CYP7B1: variants seen among roughly 807,000 people sequenced by gnomAD.
CYP7B1 encodes cytochrome P450 7B1.
CYP7B1 carries 29 observed loss-of-function variants against 42.7 expected under a neutral mutation model. The ratio of observed to expected loss-of-function variants is 0.68; its 90% CI spans 0.51 to 0.93. CYP7B1 has a LOEUF of 0.93. CYP7B1 is among the 40% of genes least tolerant of loss of function. The pLI is 0.00. For synonymous variants in CYP7B1, 235 were observed against 218.2 expected (o/e 1.08, Z -0.68); for missense variants, 655 against 600.5 (o/e 1.09, Z -0.95).
intron 1 of CYP7B1, among the ~76,000 whole-genome samples, chr8:64,652,367 T>C (rs1806052456): frequency 6.6e-6 from 1 of 152,144 alleles, no homozygotes. Context: ...AACAACAGAA[T>C]ATACATTCTT....
At chr8:64,691,486 G>T (rs907807076) in intron 1 of CYP7B1, among the ~76,000 whole-genome samples, 2 of 149,584 alleles carry the variant, frequency 1.3e-5, no homozygotes, top group Non-Finnish European at 3.0e-5. Flanking sequence ...GGCAACTGGG[G>T]GGGGGGGGTG....
intron 5 of CYP7B1, among the ~76,000 whole-genome samples, chr8:64,604,366 T>C (rs1315237328): frequency 6.6e-6 from 1 of 152,216 alleles, no homozygotes; most frequent in African/African-American, 2.4e-5. Context: ...TGGTTTTCAA[T>C]AATTCTCCAC....
intron 1 of CYP7B1, among the ~76,000 whole-genome samples, chr8:64,746,275 C>A (rs2129633389): frequency 6.6e-6 from 1 of 152,194 alleles, no homozygotes; most frequent in South Asian, 2.1e-4. Context: ...CATTGATCTC[C>A]CAAGCTTCTG....
chr8:64,702,041 C>A (rs141749713), intron 1 of CYP7B1, among the ~76,000 whole-genome samples: 1 of 152,006 alleles, frequency 6.6e-6, no homozygotes, highest in African/African-American at 2.4e-5. Flanking sequence ...CATTTTGGAA[C>A]ACGACCGGTG....
chr8:64,664,350 T>A (rs1248906617), intron 1 of CYP7B1, among the ~76,000 whole-genome samples: 1 of 152,222 alleles, frequency 6.6e-6, no homozygotes, highest in African/African-American at 2.4e-5. Context: ...TCAATTTTAA[T>A]AATAATAGCT....
chr8:64,769,593 C>T (rs1804183828), intron 1 of CYP7B1, among the ~76,000 whole-genome samples: 1 of 152,108 alleles, frequency 6.6e-6, no homozygotes, highest in Admixed American at 6.5e-5. Context: ...TGTGACCTTC[C>T]ACAAAAAGAA....
chr8:64,600,122 A>T (rs1805179520), intron 5 of CYP7B1, among the ~76,000 whole-genome samples: 1 of 152,254 alleles, frequency 6.6e-6, no homozygotes. Flanking sequence ...ATGAGTAAAT[A>T]AATATGTAGA....
intron 1 of CYP7B1, among the ~76,000 whole-genome samples, chr8:64,765,555 C>T (rs560759477): frequency 6.6e-5 from 10 of 152,268 alleles, no homozygotes; most frequent in South Asian, 2.1e-4. Context: ...TCCAGCAGCC[C>T]GGACCCCTTT....
At chr8:64,699,876 T>G (rs1324451167) in intron 1 of CYP7B1, among the ~76,000 whole-genome samples, 2 of 152,096 alleles carry the variant, frequency 1.3e-5, no homozygotes, top group East Asian at 3.9e-4. Context: ...CATAATCACA[T>G]TCAAGGAGTC....
intron 1 of CYP7B1, among the ~76,000 whole-genome samples, chr8:64,658,463 C>G (rs1317293860): frequency 6.6e-6 from 1 of 152,114 alleles, no homozygotes; most frequent in Non-Finnish European, 1.5e-5. Flanking sequence ...TGTCTTATAA[C>G]TTATAAATTT....
At chr8:64,618,111 C>A (rs1203119293) in intron 2 of CYP7B1, among the ~76,000 whole-genome samples, 1 of 149,986 alleles carries the variant, frequency 6.7e-6, no homozygotes, top group Non-Finnish European at 1.5e-5. Context: ...AGGATTCAAC[C>A]CAATTTAGGC....
chr8:64,772,905 T>C (rs1804260572), intron 1 of CYP7B1, among the ~76,000 whole-genome samples: 1 of 152,180 alleles, frequency 6.6e-6, no homozygotes, highest in Non-Finnish European at 1.5e-5. Context: ...ACCCTCTGAC[T>C]GGAATGCTTT....
At chr8:64,678,912 T>TAG (rs1806493221) in intron 1 of CYP7B1, among the ~76,000 whole-genome samples, 1 of 151,466 alleles carries the variant, frequency 6.6e-6, no homozygotes, top group South Asian at 2.1e-4. Context: ...TGTGTGTGTA[T>TAG]AGAGAGATAA....
At chr8:64,768,090 G>A (rs1804137381) in intron 1 of CYP7B1, among the ~76,000 whole-genome samples, 1 of 152,168 alleles carries the variant, frequency 6.6e-6, no homozygotes, top group Non-Finnish European at 1.5e-5. Context: ...AAGCCTAGCT[G>A]GGGAAGGTGA....
intron 1 of CYP7B1, among the ~76,000 whole-genome samples, chr8:64,758,200 G>C (rs4634679): frequency 1.3e-5 from 2 of 152,180 alleles, no homozygotes; most frequent in East Asian, 3.9e-4. Context: ...CCCCTTTATG[G>C]AGGAAAAATA....
Position 64,591,457 on chromosome 8 carries a change from A to G in CYP7B1, c.*5185T>C, listed in dbSNP as rs1264339650. ...GCATGTAATTCCTGTTCACATAATTATTGCCATTCTTTTATACTAGGATCA... is the reference window on the plus strand; with the variant it reads ...GCATGTAATTCCTGTTCACATAATTGTTGCCATTCTTTTATACTAGGATCA... On this transcript the variant is annotated 3_prime_UTR_variant, in exon 6 of 6. Coordinates refer to ENST00000310193, the MANE Select transcript of CYP7B1 (RefSeq NM_004820.5). Among the ~76,000 whole-genome samples, 6 of 152,192 alleles carry G rather than the reference A, an allele frequency of 3.9e-5. No homozygotes were observed. Among genetic ancestry groups the G allele is most frequent in the Non-Finnish European group, 8.8e-5 (6 of 68,016 alleles).
chr8:64,685,825 T>A (rs1302104697), intron 1 of CYP7B1, among the ~76,000 whole-genome samples: 1 of 25,610 alleles, frequency 3.9e-5, no homozygotes, highest in South Asian at 1.0e-3. Context: ...GGGAGGGAGG[T>A]GGGGGGTCAG....
At chr8:64,606,668 G>A (rs1255236529) in intron 4 of CYP7B1, among the ~76,000 whole-genome samples, 1 of 152,180 alleles carries the variant, frequency 6.6e-6, no homozygotes, top group African/African-American at 2.4e-5. Context: ...TCACAATAAT[G>A]GAGCGCAAAG....
At chr8:64,632,983 G>A (rs1805719282) in intron 1 of CYP7B1, among the ~76,000 whole-genome samples, 1 of 152,108 alleles carries the variant, frequency 6.6e-6, no homozygotes, top group Non-Finnish European at 1.5e-5. Flanking sequence ...TTTACAAAAG[G>A]GACTAGGTTT....
Sources: allele counts gnomAD v4.1 joint callset (sites outside exome capture counted in the v4.1 genomes callset), GRCh38; gene constraint gnomAD v4.1.1; transcripts MANE v1.5; gene names NCBI Gene and HGNC (gene_info 2026-07-23, HGNC 2026-07-21).